MECOM: variants seen among roughly 807,000 people sequenced by gnomAD.
The protein encoded by MECOM is MDS1 and EVI1 complex locus, also known as histone-lysine N-methyltransferase MECOM.
Under a neutral mutation model 116.3 loss-of-function variants are expected in MECOM, and 13 were observed. That is an observed-to-expected ratio of 0.11 (90% CI 0.07 to 0.18). The LOEUF (loss-of-function observed/expected upper bound fraction) is 0.18, where lower values mean the gene tolerates loss of function less well. MECOM is among the 10% of genes least tolerant of loss of function. MECOM has a pLI of 1.00. For missense variants in MECOM, 1,299 were observed against 1,509.0 expected, an observed-to-expected ratio of 0.86 and a Z score of 2.31; for synonymous variants, 528 against 535.2, an observed-to-expected ratio of 0.99 and a Z score of 0.19.
At chr3:169,145,047 C>G (rs974399838) in intron 2 of MECOM, 14 of 1,549,884 alleles carry the variant, frequency 9.0e-6, no homozygotes, top group African/African-American at 1.4e-5. Context: ...TCAAGAAGCC[C>G]TATGAATAAG....
At chr3:169,219,279 G>C (rs143081286) in intron 2 of MECOM, among the ~76,000 whole-genome samples, 6 of 152,152 alleles carry the variant, frequency 3.9e-5, no homozygotes, top group African/African-American at 1.4e-4. Context: ...GGCCGAGGAG[G>C]GTGGATCACG....
At chr3:169,628,051 C>T (rs755663626) in intron 1 of MECOM, among the ~76,000 whole-genome samples, 1 of 152,148 alleles carries the variant, frequency 6.6e-6, no homozygotes, top group Non-Finnish European at 1.5e-5. Flanking sequence ...TACCAAAGAG[C>T]ACCCCCAGAG....
intron 1 of MECOM, among the ~76,000 whole-genome samples, chr3:169,506,656 C>T (rs1755263251): frequency 6.6e-6 from 1 of 152,112 alleles, no homozygotes; most frequent in Admixed American, 6.5e-5. Context: ...TATTTACATG[C>T]CAATATTTAG....
intron 5 of MECOM, 34 bp from the exon 6 acceptor site, chr3:169,122,761 G>A: frequency 2.5e-6 from 4 of 1,605,122 alleles, no homozygotes; most frequent in East Asian, 2.2e-5. Context: ...AAAAGACAAA[G>A]GATGCATTCA....
At chr3:169,316,105 T>A (rs913394669) in intron 2 of MECOM, among the ~76,000 whole-genome samples, 3 of 152,258 alleles carry the variant, frequency 2.0e-5, no homozygotes, top group African/African-American at 7.2e-5. Context: ...TTCACAATAA[T>A]GTTTAAGGCC....
chr3:169,599,449 G>T (rs1767557905), intron 1 of MECOM, among the ~76,000 whole-genome samples: 1 of 150,754 alleles, frequency 6.6e-6, no homozygotes, highest in Non-Finnish European at 1.5e-5. Context: ...GGAGGCGGAG[G>T]TTGCAGTGAG....
intron 1 of MECOM, among the ~76,000 whole-genome samples, chr3:169,387,925 C>T (rs943378672): frequency 2.0e-5 from 3 of 152,100 alleles, no homozygotes; most frequent in African/African-American, 7.2e-5. Context: ...TTATGTTCCT[C>T]ATTGCAGTTT....
At chr3:169,147,466 T>A (rs1740257568) in intron 2 of MECOM, 4 of 985,154 alleles carry the variant, frequency 4.1e-6, no homozygotes, top group Non-Finnish European at 4.8e-6. Flanking sequence ...CCGCCCAGAG[T>A]GATCTGATCG....
intron 2 of MECOM, among the ~76,000 whole-genome samples, chr3:169,307,334 G>A (rs1717908173): frequency 6.6e-6 from 1 of 152,084 alleles, no homozygotes; most frequent in South Asian, 2.1e-4. Context: ...CAGAATCATT[G>A]TAATCCCAGT....
intron 2 of MECOM, among the ~76,000 whole-genome samples, chr3:169,348,545 G>A (rs771446225): frequency 1.2e-4 from 18 of 151,896 alleles, no homozygotes; most frequent in Admixed American, 6.6e-4. Flanking sequence ...ATTCTACCTC[G>A]TTCTTCTTCA....
At chr3:169,428,438 A>T (rs78788315) in intron 1 of MECOM, among the ~76,000 whole-genome samples, 4,791 of 152,210 alleles carry the variant, frequency 0.031, 180 homozygotes, top group African/African-American at 0.088. Flanking sequence ...GCTGTCAGTC[A>T]TCTGACAGAG....
At chr3:169,661,718 G>C (rs939397359) in intron 1 of MECOM, among the ~76,000 whole-genome samples, 1 of 152,178 alleles carries the variant, frequency 6.6e-6, no homozygotes, top group Non-Finnish European at 1.5e-5. Context: ...GACTTCCCGG[G>C]CTGCTGCAGG....
chr3:169,092,911 G>T lies in MECOM; in HGVS notation c.3164+47C>A, dbSNP rs199930713. On this transcript the variant is annotated intron_variant, in intron 14 of 16. Transcript: ENST00000651503. ...GCATAGCAAGTATATTTTAAAACAT[G>T]TTCATTTCAGTCGTCACAGAGTTTA... The T allele has an allele frequency of 1.7e-4, 276 of 1,609,238 alleles. 2 individuals are homozygous for T. The African/African-American group carries it at 3.3e-3, about 19-fold the overall frequency.
At chr3:169,341,808 A>G (rs1051181559) in intron 2 of MECOM, among the ~76,000 whole-genome samples, 1 of 152,052 alleles carries the variant, frequency 6.6e-6, no homozygotes, top group African/African-American at 2.4e-5. Flanking sequence ...TATAATGAAC[A>G]ATAACTTAAT....
chr3:169,512,658 A>G (rs1481587715), intron 1 of MECOM, among the ~76,000 whole-genome samples: 2 of 152,224 alleles, frequency 1.3e-5, no homozygotes, highest in African/African-American at 4.8e-5. Context: ...CACTTATAAT[A>G]TCTGATGAAA....
Position 169,170,913 on chromosome 3 carries a change from C to A in MECOM, c.376-27081G>T, listed in dbSNP as rs563086274. 2.6e-5 allele frequency among the ~76,000 whole-genome samples: 4 copies of A among 152,308 alleles called. No homozygotes were observed. The South Asian group carries it at 6.2e-4, about 24-fold the overall frequency. On this transcript the variant is annotated intron_variant, in intron 2 of 16. Transcript: ENST00000651503. The stretch of plus-strand genomic sequence containing the variant: ...TTTTGAATTCTAAATTCTAAATCCA[C>A]TGGGCAGTGTTTCATTTATACATTA...
intron 2 of MECOM, among the ~76,000 whole-genome samples, chr3:169,234,144 G>C (rs1289576111): frequency 1.3e-5 from 2 of 151,656 alleles, no homozygotes; most frequent in Non-Finnish European, 2.9e-5. Flanking sequence ...ATTTTTTGGA[G>C]TGGACACACA....
In MECOM at chr3:169,572,735, C is replaced by T. The variant is rs111571572; in HGVS notation, c.37+90601G>A. ...GCAAAATAACACAGGAACAGAAAAC[C>T]AAATATCGCATATATTCTCACTCAT... On this transcript the variant is annotated intron_variant, in intron 1 of 16. Transcript: ENST00000651503. Among the ~76,000 whole-genome samples the T allele has an allele frequency of 6.6e-5, 10 of 151,758 alleles. No individual in the cohort carries two copies. In the South Asian group the frequency reaches 2.1e-3, roughly 32 times the overall value.
chr3:169,660,208 C>T (rs976083921), intron 1 of MECOM, among the ~76,000 whole-genome samples: 24 of 152,184 alleles, frequency 1.6e-4, no homozygotes, highest in African/African-American at 5.8e-4. Flanking sequence ...GAAGTCTCCC[C>T]GCGCTGCCAG....
Sources: allele counts gnomAD v4.1 joint callset (sites outside exome capture counted in the v4.1 genomes callset), GRCh38; gene constraint gnomAD v4.1.1; transcripts MANE v1.5; gene names NCBI Gene and HGNC (gene_info 2026-07-23, HGNC 2026-07-21).